The following PABPC4L variants were observed in gnomAD, a reference collection of about 807,000 sequenced individuals.
PABPC4L encodes the protein polyadenylate-binding protein 4-like.
For missense variants in PABPC4L, 452 were observed against 451.4 expected, an observed-to-expected ratio of 1.00 and a Z score of -0.01; for synonymous variants, 169 against 164.1, an observed-to-expected ratio of 1.03 and a Z score of -0.23.
At chr4:134,091,348 A>G in the PABPC4L span, among the ~76,000 whole-genome samples, 4 of 151,900 alleles carry the variant, frequency 2.6e-5, no homozygotes, top group Non-Finnish European at 5.9e-5. Context: ...TTTGTTCTAT[A>G]AATCCCTGCC....
At chr4:134,165,216 T>C in the PABPC4L span, among the ~76,000 whole-genome samples, 1 of 152,110 alleles carries the variant, frequency 6.6e-6, no homozygotes, top group Non-Finnish European at 1.5e-5. Context: ...TTTTGGACAT[T>C]GGCCTAGGCA....
the PABPC4L span, among the ~76,000 whole-genome samples, chr4:134,061,968 T>C: frequency 6.6e-6 from 1 of 151,860 alleles, no homozygotes; most frequent in South Asian, 2.1e-4. Flanking sequence ...ATGACAGTTA[T>C]GCATCAAGGA....
At chr4:133,995,747 C>T in the PABPC4L span, among the ~76,000 whole-genome samples, 229 of 152,246 alleles carry the variant, frequency 1.5e-3, no homozygotes, top group African/African-American at 5.2e-3. Flanking sequence ...GCAGCTGTTA[C>T]GTCTCGCCCG....
At chr4:134,180,384 C>T in the PABPC4L span, among the ~76,000 whole-genome samples, 1 of 151,652 alleles carries the variant, frequency 6.6e-6, no homozygotes, top group Non-Finnish European at 1.5e-5. Flanking sequence ...AGTACAAAGC[C>T]AAAGTAGTTT....
At chr4:134,063,150 A>T in the PABPC4L span, among the ~76,000 whole-genome samples, 2 of 152,126 alleles carry the variant, frequency 1.3e-5, no homozygotes, top group African/African-American at 4.8e-5. Flanking sequence ...AAGTCTCAAA[A>T]GGTGAGCTTA....
At chr4:134,077,159 A>G in the PABPC4L span, among the ~76,000 whole-genome samples, 127 of 152,260 alleles carry the variant, frequency 8.3e-4, 1 homozygote, top group Non-Finnish European at 1.3e-3. Context: ...TGTGTTTTCT[A>G]TAATACACAT....
At chr4:134,048,103 G>A in the PABPC4L span, among the ~76,000 whole-genome samples, 2 of 151,960 alleles carry the variant, frequency 1.3e-5, no homozygotes, top group African/African-American at 2.4e-5. Context: ...GGAAAAAAAT[G>A]TTGCCCTTCA....
At chr4:134,158,803 TA>T in the PABPC4L span, among the ~76,000 whole-genome samples, 2 of 152,090 alleles carry the variant, frequency 1.3e-5, no homozygotes, top group Admixed American at 6.6e-5. Context: ...ATGGCATCAT[TA>T]GGCAACTTTG....
the PABPC4L span, among the ~76,000 whole-genome samples, chr4:134,044,332 C>T: frequency 7.0e-4 from 106 of 152,232 alleles, no homozygotes; most frequent in Non-Finnish European, 1.3e-3. Flanking sequence ...GGCACCATCT[C>T]GGCTCACTGC....
At chr4:133,958,495 G>T in the PABPC4L span, among the ~76,000 whole-genome samples, 1 of 151,922 alleles carries the variant, frequency 6.6e-6, no homozygotes, top group African/African-American at 2.4e-5. Context: ...TACATTTTGG[G>T]GTATCTTTAT....
At chr4:134,077,592 G>A in the PABPC4L span, among the ~76,000 whole-genome samples, 61 of 152,120 alleles carry the variant, frequency 4.0e-4, no homozygotes, top group Non-Finnish European at 8.2e-4. Context: ...AATCGTAGTA[G>A]TGTCTCCAGT....
At chr4:134,109,168 A>C in the PABPC4L span, among the ~76,000 whole-genome samples, 2 of 152,042 alleles carry the variant, frequency 1.3e-5, no homozygotes, top group Non-Finnish European at 2.9e-5. Flanking sequence ...AAAAGTATGT[A>C]TCATAAGATT....
chr4:134,133,063 T>C, the PABPC4L span, among the ~76,000 whole-genome samples: 1 of 137,548 alleles, frequency 7.3e-6, no homozygotes, highest in Non-Finnish European at 1.5e-5. Flanking sequence ...TTATTTTGTA[T>C]ATATAATTTA....
chr4:134,194,874 G>A (rs950826487), downstream of PABPC4L, among the ~76,000 whole-genome samples: 3 of 151,560 alleles, frequency 2.0e-5, no homozygotes, highest in South Asian at 4.2e-4. Context: ...CCTAGGACAC[G>A]GTAAATATTT....
the PABPC4L span, among the ~76,000 whole-genome samples, chr4:134,132,399 T>G: frequency 4.0e-5 from 6 of 151,602 alleles, no homozygotes; most frequent in Non-Finnish European, 2.9e-5. Flanking sequence ...AAAAGTGAGC[T>G]AAAGGCATGA....
the PABPC4L span, among the ~76,000 whole-genome samples, chr4:134,046,568 G>C: frequency 2.6e-5 from 4 of 152,102 alleles, no homozygotes; most frequent in Admixed American, 6.6e-5. Flanking sequence ...GACCCCTTAC[G>C]GGTATGGGGC....
Position 134,201,199 on chromosome 4 carries a change from A to T in PABPC4L, c.-180T>A. 6.5e-7 allele frequency: 1 copy of T among 1,545,798 alleles called. No homozygotes were observed. Among genetic ancestry groups the T allele is most frequent in the Non-Finnish European group, 8.7e-7 (1 of 1,144,528 alleles). ...AGCTCAGGCAACACCCTCATCCAAA[A>T]GTCCCCACAGCCACCAATCTGGCCC... is the stretch of plus-strand genomic sequence containing the variant. On this transcript the variant is annotated 5_prime_UTR_variant, in exon 2 of 2. Coordinates refer to ENST00000421491, the MANE Select transcript of PABPC4L (RefSeq NM_001114734.2).
chr4:134,041,567 G>A, the PABPC4L span, among the ~76,000 whole-genome samples: 2 of 151,938 alleles, frequency 1.3e-5, no homozygotes, highest in Non-Finnish European at 2.9e-5. Context: ...TCACACACTG[G>A]GGCCTGTCAG....
chr4:134,038,987 G>A, the PABPC4L span, among the ~76,000 whole-genome samples: 1 of 152,000 alleles, frequency 6.6e-6, no homozygotes, highest in Non-Finnish European at 1.5e-5. Flanking sequence ...TCTACATATT[G>A]CTTTAAATGT....
Sources: gnomAD v4.1 joint callset for allele counts (sites outside exome capture counted in the v4.1 genomes callset) on GRCh38, gnomAD v4.1.1 for gene constraint, MANE v1.5 for transcripts, NCBI Gene and HGNC (gene_info 2026-07-23, HGNC 2026-07-21) for gene names.